Variants in NBAS observed in about 807,000 individuals in gnomAD.
The protein encoded by NBAS is NBAS subunit of NRZ tethering complex.
NBAS carries 219 observed loss-of-function variants against 302.5 expected under a neutral mutation model. The observed-to-expected ratio is 0.72, with a 90% CI of 0.65 to 0.81. The LOEUF (loss-of-function observed/expected upper bound fraction) is 0.81. NBAS is among the 30% of genes least tolerant of loss of function. NBAS has a pLI of 0.00. For synonymous variants in NBAS, 1,118 were observed against 1,021.6 expected, an observed-to-expected ratio of 1.09 and a Z score of -1.80; for missense variants, 2,932 against 2,841.6, an observed-to-expected ratio of 1.03 and a Z score of -0.72.
chr2:15,175,521 G>A (rs916986456), intron 51 of NBAS, among the ~76,000 whole-genome samples: 16 of 152,192 alleles, frequency 1.1e-4, no homozygotes, highest in Non-Finnish European at 2.2e-4. Context: ...CCAGAGATGC[G>A]AGTCAAACAC....
chr2:15,112,249 AAG>A, the NBAS span, among the ~76,000 whole-genome samples: 3 of 151,998 alleles, frequency 2.0e-5, no homozygotes, highest in Non-Finnish European at 4.4e-5. Flanking sequence ...ACTCAGAAAA[AAG>A]AGACATTTAA....
At chr2:15,428,769 C>T (rs529594388) in intron 21 of NBAS, among the ~76,000 whole-genome samples, 37 of 152,124 alleles carry the variant, frequency 2.4e-4, no homozygotes, top group Admixed American at 1.8e-3. Flanking sequence ...TAAGGCCAGG[C>T]GCGGTGGCTC....
At chr2:15,087,001 T>G in the NBAS span, among the ~76,000 whole-genome samples, 1 of 150,260 alleles carries the variant, frequency 6.7e-6, no homozygotes, top group Admixed American at 6.6e-5. Context: ...ACCACACCCC[T>G]GGAGAAGACA....
At chr2:15,288,033 C>T (rs1377023240) in intron 41 of NBAS, among the ~76,000 whole-genome samples, 4 of 152,258 alleles carry the variant, frequency 2.6e-5, no homozygotes, top group Admixed American at 6.5e-5. Flanking sequence ...TCTGCATAGG[C>T]AGCCCCCACA....
the NBAS span, among the ~76,000 whole-genome samples, chr2:15,132,086 A>G: frequency 6.6e-6 from 1 of 152,226 alleles, no homozygotes; most frequent in African/African-American, 2.4e-5. Flanking sequence ...TATTTACCCA[A>G]ATGAGTTGAA....
At chr2:14,868,587 A>G in the NBAS span, among the ~76,000 whole-genome samples, 1 of 152,186 alleles carries the variant, frequency 6.6e-6, no homozygotes, top group East Asian at 1.9e-4. Flanking sequence ...CACGGACGGA[A>G]TTTTTTCTTA....
At chr2:15,499,472 G>A (rs572784228) in intron 11 of NBAS, among the ~76,000 whole-genome samples, 2 of 152,302 alleles carry the variant, frequency 1.3e-5, no homozygotes, top group Non-Finnish European at 2.9e-5. Flanking sequence ...GATGGAGCTG[G>A]AGGCCATTAT....
chr2:15,292,048 C>T (rs1422320904), intron 41 of NBAS, among the ~76,000 whole-genome samples: 1 of 152,198 alleles, frequency 6.6e-6, no homozygotes, highest in African/African-American at 2.4e-5. Flanking sequence ...GATCTCAGCT[C>T]ACTGTGGCCT....
intron 40 of NBAS, among the ~76,000 whole-genome samples, chr2:15,305,226 G>T (rs1186917785): frequency 1.3e-5 from 2 of 152,060 alleles, no homozygotes; most frequent in African/African-American, 4.8e-5. Context: ...GATCATGGGG[G>T]TGGTTTCCCC....
Position 15,467,692 on chromosome 2 carries a change from C to A in NBAS, c.1990G>T (p.Glu664Ter). Reference sequence around the variant, plus strand: ...GAAAAGTTCACTAATTTCAGTAGTTCTTGTCTCTTCTTGAGCTCCTTTTCC... The same window carrying A: ...GAAAAGTTCACTAATTTCAGTAGTTATTGTCTCTTCTTGAGCTCCTTTTCC... ...KKEKELKKRQ[E>*]LLKLVNFSKL... Residue 664 changes from glutamate (E) to a stop codon, truncating the protein, a stop_gained, in exon 18 of 52, where the codon GAA becomes TAA. Coordinates refer to ENST00000281513, the MANE Select transcript of NBAS (RefSeq NM_015909.4). LOFTEE classifies it high-confidence loss of function. 6.2e-7 allele frequency: 1 copy of A among 1,612,602 alleles called. No individual in the cohort carries two copies. The highest frequency in any genetic ancestry group is 8.5e-7 in the Non-Finnish European group (1 of 1,179,040).
At chr2:15,034,278 G>GAAAGAAAGAA in the NBAS span, among the ~76,000 whole-genome samples, 3,972 of 127,154 alleles carry the variant, frequency 0.031, 338 homozygotes, top group Middle Eastern at 0.047. Context: ...GAAAGAAAGA[G>GAAAGAAAGAA]AGAAAGAAAG....
chr2:14,820,297 T>C, the NBAS span, among the ~76,000 whole-genome samples: 1 of 152,116 alleles, frequency 6.6e-6, no homozygotes, highest in Admixed American at 6.5e-5. Flanking sequence ...ATAAAGAAAA[T>C]GTGGTACATA....
the NBAS span, among the ~76,000 whole-genome samples, chr2:14,985,581 A>T: frequency 6.6e-6 from 1 of 152,238 alleles, no homozygotes; most frequent in East Asian, 1.9e-4. Flanking sequence ...AGTCCCCAAG[A>T]TCTCAGACTA....
chr2:15,224,935 A>C (rs1371804977), intron 47 of NBAS, among the ~76,000 whole-genome samples: 1 of 152,240 alleles, frequency 6.6e-6, no homozygotes, highest in Non-Finnish European at 1.5e-5. Flanking sequence ...CCCATGAAAC[A>C]ATCGGGGAAC....
rs111596146 is a variant in NBAS at position 15,348,385 on chromosome 2, G to A, written c.4179+3607C>T. Among the ~76,000 whole-genome samples the A allele has an allele frequency of 9.1e-3, 1,391 of 152,140 alleles. 15 individuals carry two copies. Among genetic ancestry groups the A allele is most frequent in the African/African-American group, 0.032 (1,317 of 41,516 alleles). On this transcript the variant is annotated intron_variant, in intron 35 of 51. Coordinates refer to ENST00000281513, the MANE Select transcript of NBAS (RefSeq NM_015909.4). Reference sequence around the variant, plus strand: ...CCAGTGGTCTCCTTCATTTACTGACGGGATTTAATAGAGTAACATGTGCCC... The same window carrying A: ...CCAGTGGTCTCCTTCATTTACTGACAGGATTTAATAGAGTAACATGTGCCC...
intron 44 of NBAS, among the ~76,000 whole-genome samples, chr2:15,262,854 T>C (rs537923858): frequency 1.4e-4 from 21 of 152,236 alleles, no homozygotes; most frequent in African/African-American, 5.1e-4. Context: ...GGACAAAAAA[T>C]GGTTCTATAA....
chr2:15,101,771 G>A, the NBAS span, among the ~76,000 whole-genome samples: 30 of 152,274 alleles, frequency 2.0e-4, no homozygotes, highest in Non-Finnish European at 3.4e-4. Flanking sequence ...ATGACAACAG[G>A]GAGAATTCTT....
At chr2:15,248,662 TACC>T (rs1668217625) in intron 44 of NBAS, among the ~76,000 whole-genome samples, 1 of 152,064 alleles carries the variant, frequency 6.6e-6, no homozygotes, top group African/African-American at 2.4e-5. Context: ...AAATACAAAC[TACC>T]ATCAGAGAAT....
At position 15,218,846 on chromosome 2, in the gene NBAS, G is replaced by A. The variant is rs1456298564; in HGVS notation, c.6359C>T (p.Thr2120Ile). The A allele has an allele frequency of 6.2e-7, 1 of 1,614,258 alleles. No homozygotes were observed. Among genetic ancestry groups the A allele is most frequent in the East Asian group, 2.2e-5 (1 of 44,884 alleles). Reference sequence around the variant, plus strand: ...CACGAGGAGCTTGCTGTCCTCCTCAGTCAGGTGAAATGATTGCCCCAAAAT... The same window carrying A: ...CACGAGGAGCTTGCTGTCCTCCTCAATCAGGTGAAATGATTGCCCCAAAAT... ...LQILGQSFHL[T>I]EEDSKLLVFF... The change falls in exon 48 of 52, where the codon ACT becomes ATT. Residue 2120 changes from threonine (T) to isoleucine (I), a missense_variant. Transcript: ENST00000281513.
Sources: allele counts gnomAD v4.1 joint callset (sites outside exome capture counted in the v4.1 genomes callset), GRCh38; gene constraint gnomAD v4.1.1; transcripts MANE v1.5; gene names NCBI Gene and HGNC (gene_info 2026-07-23, HGNC 2026-07-21).